Variants in OR1L8 observed in about 807,000 individuals in gnomAD.
The protein encoded by OR1L8 is olfactory receptor 1L8.
For missense variants in OR1L8, 330 were observed against 377.4 expected (o/e 0.87, Z 1.04); for synonymous variants, 148 against 147.0 (o/e 1.01, Z -0.05).
At chr9:122,582,293 A>C (rs1023181582) in intron 1 of OR1L8, among the ~76,000 whole-genome samples, 6 of 152,366 alleles carry the variant, frequency 3.9e-5, no homozygotes, top group Non-Finnish European at 8.8e-5. Context: ...CTTAAAAATA[A>C]TAAACTAAGA....
intron 2 of OR1L8, among the ~76,000 whole-genome samples, chr9:122,578,043 T>C (rs892567145): frequency 1.3e-5 from 2 of 152,230 alleles, no homozygotes; most frequent in Non-Finnish European, 2.9e-5. Flanking sequence ...GGTGAGAATG[T>C]AAATTAGTAC....
the OR1L8 span, among the ~76,000 whole-genome samples, chr9:122,557,940 T>C: frequency 1.8e-4 from 27 of 152,132 alleles, no homozygotes; most frequent in Admixed American, 4.6e-4. Context: ...TTTTAGTGGA[T>C]TGTGGCTTTC....
chr9:122,557,433 T>A, the OR1L8 span, among the ~76,000 whole-genome samples: 1 of 152,128 alleles, frequency 6.6e-6, no homozygotes, highest in African/African-American at 2.4e-5. Flanking sequence ...GTTGGATTTT[T>A]GTGAAGTGCT....
downstream of OR1L8, among the ~76,000 whole-genome samples, chr9:122,565,698 G>GT (rs1168391286): frequency 1.1e-4 from 16 of 152,346 alleles, no homozygotes; most frequent in African/African-American, 3.8e-4. Flanking sequence ...CTGACAGGTA[G>GT]TTTTTAACTT....
the OR1L8 span, among the ~76,000 whole-genome samples, chr9:122,554,473 T>C: frequency 0.53 from 80,579 of 151,826 alleles, 22,224 homozygotes; most frequent in East Asian, 0.98. Context: ...GCTCTGGAGC[T>C]GAGCAATTCT....
chr9:122,569,241 C>G (rs2118716602), intron 4 of OR1L8, among the ~76,000 whole-genome samples: 1 of 152,126 alleles, frequency 6.6e-6, no homozygotes, highest in African/African-American at 2.4e-5. Flanking sequence ...TTGTTTTTCC[C>G]TTCTTTAATT....
At chr9:122,559,524 C>G in the OR1L8 span, among the ~76,000 whole-genome samples, 367 of 152,238 alleles carry the variant, frequency 2.4e-3, no homozygotes, top group African/African-American at 8.4e-3. Flanking sequence ...GGTACGTTGT[C>G]TCTTTGTTTT....
chr9:122,580,929 C>T (rs2118751957), intron 1 of OR1L8, among the ~76,000 whole-genome samples: 1 of 152,180 alleles, frequency 6.6e-6, no homozygotes, highest in East Asian at 1.9e-4. Flanking sequence ...CACAGCACAG[C>T]TACAATAAAA....
At chr9:122,562,123 T>C (rs1301723443), downstream of OR1L8, among the ~76,000 whole-genome samples, 1 of 152,220 alleles carries the variant, frequency 6.6e-6, no homozygotes, top group Admixed American at 6.5e-5. Flanking sequence ...GGCTGCAGTC[T>C]GCCACAGCCG....
chr9:122,568,913 G>C (rs1174903641), intron 4 of OR1L8, among the ~76,000 whole-genome samples: 3 of 152,018 alleles, frequency 2.0e-5, no homozygotes, highest in African/African-American at 7.2e-5. Context: ...TACATTTTAT[G>C]AACAAAATAA....
chr9:122,567,165 C>A lies in OR1L8; in HGVS notation c.*383G>T, dbSNP rs1829443140. 1 of 159,384 alleles carries A rather than the reference C, an allele frequency of 6.3e-6. No individual in the cohort carries two copies. Among genetic ancestry groups the A allele is most frequent in the Admixed American group, 6.4e-5 (1 of 15,510 alleles). The allele number at this position is 159,384 out of a possible 1,614,324, so 9.9% of individuals were successfully genotyped here. ...TTTTCAATTTTTTTGCAAAAACATTCAATGGCTACAAATTACACATTTTTC... is the reference window on the plus strand; with the variant it reads ...TTTTCAATTTTTTTGCAAAAACATTAAATGGCTACAAATTACACATTTTTC... On this transcript the variant is annotated 3_prime_UTR_variant, in exon 5 of 5. Transcript: ENST00000641027.
chr9:122,548,772 C>T, the OR1L8 span, among the ~76,000 whole-genome samples: 1 of 109,466 alleles, frequency 9.1e-6, no homozygotes, highest in South Asian at 4.6e-4. Context: ...CACAACAGGC[C>T]CCGGTGTGTG....
the OR1L8 span, among the ~76,000 whole-genome samples, chr9:122,559,601 G>A: frequency 1.3e-5 from 2 of 152,180 alleles, no homozygotes; most frequent in African/African-American, 4.8e-5. Flanking sequence ...TCATTCAGGA[G>A]TAGGTTGTTC....
At chr9:122,566,275 C>T (rs1043590006), downstream of OR1L8, among the ~76,000 whole-genome samples, 68 of 152,288 alleles carry the variant, frequency 4.5e-4, no homozygotes, top group African/African-American at 1.6e-3. Flanking sequence ...TTGCATAGGT[C>T]ATCTTGTTTA....
rs1364782501 is a variant in OR1L8 at position 122,567,166 on chromosome 9, A to G, written c.*382T>C. ...TTTCAATTTTTTTGCAAAAACATTC[A>G]ATGGCTACAAATTACACATTTTTCA... On this transcript the variant is annotated 3_prime_UTR_variant, in exon 5 of 5. Coordinates refer to ENST00000641027, the MANE Select transcript of OR1L8 (RefSeq NM_001004454.2). 1 of 159,746 alleles carries G rather than the reference A, an allele frequency of 6.3e-6. No individual in the cohort carries two copies. The highest frequency in any genetic ancestry group is 1.8e-4 in the East Asian group (1 of 5,484). The allele number at this position is 159,746 out of a possible 1,614,324, so 9.9% of individuals were successfully genotyped here. A position where few individuals can be genotyped will look rare whatever the true frequency, so the allele number is the denominator to read the frequency against.
chr9:122,567,423 A>G lies in OR1L8; in HGVS notation c.*125T>C. The G allele has an allele frequency of 3.0e-6, 2 of 674,960 alleles. No homozygotes were observed. Among genetic ancestry groups the G allele is most frequent in the South Asian group, 2.0e-5 (1 of 48,808 alleles). The allele number at this position is 674,960 out of a possible 1,614,324, so 41.8% of individuals were successfully genotyped here. A position where few individuals can be genotyped will look rare whatever the true frequency, so the allele number is the denominator to read the frequency against. ...TCATCAATGGATGTAAGTGCCCACA[A>G]TAGCCTTGTCTCACATGGGTCAGAA... On this transcript the variant is annotated 3_prime_UTR_variant, in exon 5 of 5. Transcript: ENST00000641027.
the OR1L8 span, among the ~76,000 whole-genome samples, chr9:122,556,344 C>T: frequency 6.7e-6 from 1 of 149,954 alleles, no homozygotes; most frequent in Non-Finnish European, 1.5e-5. Flanking sequence ...AGACTGTTTT[C>T]TCCATTGCAT....
the OR1L8 span, chr9:122,554,188 A>C: frequency 6.4e-7 from 1 of 1,556,190 alleles, no homozygotes; most frequent in South Asian, 1.2e-5. Context: ...GTGATGTCTA[A>C]TCTTGATCAA....
At chr9:122,552,039 A>ACTCTCTCTCT in the OR1L8 span, among the ~76,000 whole-genome samples, 5 of 89,386 alleles carry the variant, frequency 5.6e-5, no homozygotes, top group Non-Finnish European at 1.1e-4. Flanking sequence ...GGACACATAC[A>ACTCTCTCTCT]CACACACACA....
Sources: allele counts gnomAD v4.1 joint callset (sites outside exome capture counted in the v4.1 genomes callset), GRCh38; gene constraint gnomAD v4.1.1; transcripts MANE v1.5; gene names NCBI Gene and HGNC (gene_info 2026-07-23, HGNC 2026-07-21).